The following NEURL1 variants were observed in gnomAD, a reference collection of about 807,000 sequenced individuals.
The protein encoded by NEURL1 is E3 ubiquitin-protein ligase NEURL1.
Under a neutral mutation model 41.2 loss-of-function variants are expected in NEURL1, and 26 were observed. The observed-to-expected ratio is 0.63, with a 90% CI of 0.46 to 0.87. The LOEUF is 0.87. Ranked by LOEUF, NEURL1 falls within the 40% of genes least tolerant of loss-of-function variation. The pLI is 0.00. For missense variants in NEURL1, 761 were observed against 871.1 expected (o/e 0.87, Z 1.59); for synonymous variants, 400 against 402.3 (o/e 0.99, Z 0.07).
At chr10:103,552,779 G>A (rs72848976) in intron 1 of NEURL1, among the ~76,000 whole-genome samples, 25,159 of 152,124 alleles carry the variant, frequency 0.17, 2,221 homozygotes, top group Non-Finnish European at 0.2. Context: ...GAGAAGCTGG[G>A]GCAAGCAGAT....
chr10:103,532,195 ATTGTTGATAGGTGAGGAC>A (rs2034586692), intron 1 of NEURL1, among the ~76,000 whole-genome samples: 1 of 152,144 alleles, frequency 6.6e-6, no homozygotes, highest in Non-Finnish European at 1.5e-5. Context: ...ATTCAAGGTT[ATTGTTGATAGGTGAGGAC>A]TTGCCCCTGT....
chr10:103,527,441 T>C (rs2034484240), intron 1 of NEURL1, among the ~76,000 whole-genome samples: 1 of 151,958 alleles, frequency 6.6e-6, no homozygotes, highest in South Asian at 2.1e-4. Flanking sequence ...ATTACAGGCA[T>C]GCACAACCAT....
chr10:103,498,754 C>T (rs1046561469), intron 1 of NEURL1, among the ~76,000 whole-genome samples: 3 of 152,182 alleles, frequency 2.0e-5, no homozygotes, highest in Non-Finnish European at 2.9e-5. Context: ...TGTATGGACT[C>T]GCCTATTCCA....
At position 103,571,123 on chromosome 10, in the gene NEURL1, C is replaced by A. The variant is rs778247594; in HGVS notation, c.327+10C>A. 6.8e-6 allele frequency: 11 copies of A among 1,609,380 alleles called. No individual in the cohort carries two copies. The South Asian group carries it at 1.2e-4, about 18-fold the overall frequency. ...GCAAGTCAGGCTGAAGGTGGGCCTG[C>A]CCCCTGCCCCCGCCCCCGCCTCCTG... On this transcript the variant is annotated intron_variant, in intron 2 of 5. Coordinates refer to ENST00000369780, the MANE Select transcript of NEURL1 (RefSeq NM_004210.5).
In NEURL1 at chr10:103,592,364, G is replaced by GA. The variant is rs2036070693; in HGVS notation, c.*1993dup. On this transcript the variant is annotated 3_prime_UTR_variant, in exon 6 of 6. Coordinates refer to ENST00000369780, the MANE Select transcript of NEURL1 (RefSeq NM_004210.5). This position sits in a 1 kb window ranked among gnomAD's most constrained non-coding sequence, Gnocchi z 4.8. ...TCCACTACCCAGTCACTGACCCTGG[G>GA]AGACCCCTTCTGTGTGGGAGGGAGC... is the stretch of plus-strand genomic sequence containing the variant. The GA allele has an allele frequency of 6.6e-6, 1 of 152,644 alleles. No homozygotes were observed. Among genetic ancestry groups the GA allele is most frequent in the African/African-American group, 2.4e-5 (1 of 41,422 alleles). 9.5% of individuals were successfully genotyped at this position (152,644 alleles called of 1,614,324 possible).
chr10:103,516,881 C>T (rs1187233285), intron 1 of NEURL1, among the ~76,000 whole-genome samples: 3 of 146,632 alleles, frequency 2.0e-5, no homozygotes, highest in African/African-American at 7.5e-5. Flanking sequence ...CTCCCTCCCT[C>T]CCTCCCTCTC....
At chr10:103,582,415 G>A (rs2035801101) in intron 3 of NEURL1, among the ~76,000 whole-genome samples, 1 of 152,128 alleles carries the variant, frequency 6.6e-6, no homozygotes, top group Admixed American at 6.5e-5. Context: ...CACTGTCACA[G>A]AGTCAATTCC....
At chr10:103,588,634 G>A (rs768720773) in intron 4 of NEURL1, 23 of 367,334 alleles carry the variant, frequency 6.3e-5, no homozygotes, top group Non-Finnish European at 7.1e-5. Flanking sequence ...GAGGGAAAGA[G>A]GGAGGCGAGG....
intron 1 of NEURL1, among the ~76,000 whole-genome samples, chr10:103,495,782 A>C (rs1169328257): frequency 6.6e-6 from 1 of 152,226 alleles, no homozygotes; most frequent in Non-Finnish European, 1.5e-5. Context: ...CTGGAAATTA[A>C]TATGGCAATA....
At chr10:103,581,616 C>G (rs2035784759) in intron 3 of NEURL1, among the ~76,000 whole-genome samples, 1 of 152,118 alleles carries the variant, frequency 6.6e-6, no homozygotes, top group Non-Finnish European at 1.5e-5. Context: ...GTCCTGCCTA[C>G]TAGTATATGA....
At chr10:103,527,035 A>G (rs1461669562) in intron 1 of NEURL1, among the ~76,000 whole-genome samples, 1 of 151,314 alleles carries the variant, frequency 6.6e-6, no homozygotes, top group Non-Finnish European at 1.5e-5. Flanking sequence ...GGCTATTTTT[A>G]TGGTTATTTC....
chr10:103,526,266 G>T (rs1173127221), intron 1 of NEURL1, among the ~76,000 whole-genome samples: 4 of 152,088 alleles, frequency 2.6e-5, no homozygotes, highest in Non-Finnish European at 5.9e-5. Context: ...AAGTTTAGAA[G>T]AATTCTTTCC....
intron 1 of NEURL1, among the ~76,000 whole-genome samples, chr10:103,554,338 A>C (rs1431468623): frequency 6.6e-6 from 1 of 152,184 alleles, no homozygotes; most frequent in South Asian, 2.1e-4. Context: ...ATGTGAGTAC[A>C]TGTCTGGTGG....
intron 1 of NEURL1, among the ~76,000 whole-genome samples, chr10:103,564,413 A>G (rs7084783): frequency 0.54 from 81,922 of 151,968 alleles, 22,433 homozygotes; most frequent in Admixed American, 0.64. Flanking sequence ...GTGCCTCTGT[A>G]GAGCAGTTGT....
chr10:103,497,874 C>T (rs1369201070), intron 1 of NEURL1, among the ~76,000 whole-genome samples: 1 of 151,970 alleles, frequency 6.6e-6, no homozygotes, highest in Non-Finnish European at 1.5e-5. Flanking sequence ...CTGTCGAAAC[C>T]CAGATATGTG....
At chr10:103,587,391 A>G (rs1217247233) in intron 4 of NEURL1, among the ~76,000 whole-genome samples, 8 of 152,224 alleles carry the variant, frequency 5.3e-5, no homozygotes, top group Admixed American at 5.2e-4. Flanking sequence ...CAAGAGGAGG[A>G]TAGGCCAAGG....
chr10:103,567,603 C>T (rs1236089393), intron 1 of NEURL1, among the ~76,000 whole-genome samples: 3 of 151,914 alleles, frequency 2.0e-5, no homozygotes, highest in Non-Finnish European at 4.4e-5. Flanking sequence ...TGCTTTTGTT[C>T]CCCAAGCCGG....
intron 1 of NEURL1, among the ~76,000 whole-genome samples, chr10:103,533,750 A>G (rs1328912780): frequency 5.9e-5 from 9 of 152,080 alleles, no homozygotes; most frequent in Non-Finnish European, 8.8e-5. Context: ...GTTAGCCAGG[A>G]TGGTCTCGAT....
intron 1 of NEURL1, among the ~76,000 whole-genome samples, chr10:103,525,335 T>TTTTCTTTC (rs150432222): frequency 0.23 from 33,245 of 146,578 alleles, 4,072 homozygotes; most frequent in Non-Finnish European, 0.27. Context: ...GTGGAGTTTT[T>TTTTCTTTC]TTTCTTTCTT....
Sources: allele counts gnomAD v4.1 joint callset (sites outside exome capture counted in the v4.1 genomes callset), GRCh38; gene constraint gnomAD v4.1.1; non-coding constraint Gnocchi (gnomAD v3.1); transcripts MANE v1.5; gene names NCBI Gene and HGNC (gene_info 2026-07-23, HGNC 2026-07-21).